Variants in SYT12 observed in about 807,000 individuals in gnomAD.
The protein encoded by SYT12 is synaptotagmin-12.
In SYT12, 27 loss-of-function variants were observed where a neutral mutation model predicts 39.5. The observed-to-expected ratio is 0.68, with a 90% CI of 0.50 to 0.94. SYT12 has a LOEUF of 0.94. Among genes scored for constraint, SYT12 ranks in the 40% least tolerant of loss-of-function variants. The pLI, the probability that SYT12 is intolerant of heterozygous loss-of-function variation, is 0.00. For missense variants in SYT12, 536 were observed against 572.6 expected (o/e 0.94, Z 0.65); for synonymous variants, 233 against 239.7 (o/e 0.97, Z 0.26).
chr11:67,035,790 T>TTTCC lies in SYT12; in HGVS notation c.228+999_228+1002dup, dbSNP rs1172307451. On this transcript the variant is annotated intron_variant, in intron 3 of 7. Transcript: ENST00000527043. ...CTTTCTTTTCTTTTCTTTTCTTTTC[T>TTTCC]TTCCTTCCTTCCTTCCTTCCTTCCT... 5.2e-3 allele frequency among the ~76,000 whole-genome samples: 378 copies of TTTCC among 73,218 alleles called. 12 individuals carry two copies. The highest frequency in any genetic ancestry group is 0.016 in the African/African-American group (272 of 16,770). The allele number at this position is 73,218 out of a possible 152,430, so 48.0% of individuals were successfully genotyped here.
At chr11:67,010,379 C>CT (rs1950005016) in intron 2 of SYT12, among the ~76,000 whole-genome samples, 1 of 152,196 alleles carries the variant, frequency 6.6e-6, no homozygotes, top group Admixed American at 6.5e-5. Context: ...GGCTCCAGCT[C>CT]TAACATGCTG....
chr11:67,017,229 G>A (rs1164575553), intron 3 of SYT12, among the ~76,000 whole-genome samples: 1 of 152,138 alleles, frequency 6.6e-6, no homozygotes, highest in Non-Finnish European at 1.5e-5. Context: ...CTCTAAAAGT[G>A]AAAGAGTTGA....
At chr11:67,013,373 A>G (rs1950028623) in intron 3 of SYT12, among the ~76,000 whole-genome samples, 1 of 152,122 alleles carries the variant, frequency 6.6e-6, no homozygotes, top group South Asian at 2.1e-4. Context: ...GCTGGTCCTC[A>G]GGGCGCTGGT....
At chr11:67,031,137 C>T (rs570479318) in intron 2 of SYT12, 27 of 152,562 alleles carry the variant, frequency 1.8e-4, no homozygotes, top group Non-Finnish European at 2.9e-5. Flanking sequence ...GCCCCCTACC[C>T]GTATGGCCTT....
At chr11:67,039,070 G>A (rs1950444730) in intron 3 of SYT12, among the ~76,000 whole-genome samples, 1 of 151,878 alleles carries the variant, frequency 6.6e-6, no homozygotes, top group African/African-American at 2.4e-5. Context: ...TTGGGAGGCC[G>A]AGGCAGGCAG....
At chr11:67,013,898 C>A (rs1057397904) in intron 3 of SYT12, among the ~76,000 whole-genome samples, 2 of 152,362 alleles carry the variant, frequency 1.3e-5, no homozygotes, top group Admixed American at 1.3e-4. Context: ...CTGGTTCCCT[C>A]CAGACGCTCT....
At chr11:67,028,786 A>T (rs1312826282) in intron 1 of SYT12, 1 of 152,244 alleles carries the variant, frequency 6.6e-6, no homozygotes, top group Non-Finnish European at 1.5e-5. Context: ...CACATAAAAA[A>T]TTCAGGTATC....
rs192175204 is a variant in SYT12 at position 67,008,371 on chromosome 11, G to A, written c.-485+916G>A. Among the ~76,000 whole-genome samples, 727 of 152,180 alleles carry A rather than the reference G, an allele frequency of 4.8e-3. 4 individuals carry two copies. The highest frequency in any genetic ancestry group is 0.016 in the African/African-American group (674 of 41,518). ...TTGAATCCCACCTCTGTCACCTGCT[G>A]GTGTTTATTCTTGGCTACATTTCTT... On this transcript the variant is annotated intron_variant, in intron 1 of 10. Coordinates refer to the SYT12 transcript ENST00000393946.
At chr11:67,046,829 C>T (rs1344248532) in intron 7 of SYT12, among the ~76,000 whole-genome samples, 1 of 152,234 alleles carries the variant, frequency 6.6e-6, no homozygotes, top group African/African-American at 2.4e-5. Flanking sequence ...CAAGCAGTCT[C>T]TCCCGTCCTC....
At chr11:67,019,329 G>A (rs1016167779), upstream of SYT12, among the ~76,000 whole-genome samples, 3 of 151,978 alleles carry the variant, frequency 2.0e-5, no homozygotes, top group Non-Finnish European at 4.4e-5. Context: ...AAAATTAGCC[G>A]GGCGTGTTGG....
At chr11:67,024,267 A>G (rs1950151616) in intron 1 of SYT12, among the ~76,000 whole-genome samples, 1 of 152,248 alleles carries the variant, frequency 6.6e-6, no homozygotes, top group Non-Finnish European at 1.5e-5. Context: ...TGACAGTTTT[A>G]GAGAGCAGCA....
Position 67,049,062 on chromosome 11 carries a change from T to G in SYT12, c.*305T>G. 1 of 299,324 alleles carries G rather than the reference T, an allele frequency of 3.3e-6. No homozygotes were observed. The highest frequency in any genetic ancestry group is 6.4e-6 in the Non-Finnish European group (1 of 157,174). 18.5% of individuals were successfully genotyped at this position (299,324 alleles called of 1,614,324 possible). ...GGGCTATGTTCTGGAACCCAGTGAA[T>G]CTTGGGGGCCAGGCACTGTGCTAGG... On this transcript the variant is annotated 3_prime_UTR_variant, in exon 8 of 8. Transcript: ENST00000527043.
intron 3 of SYT12, among the ~76,000 whole-genome samples, chr11:67,016,079 G>A (rs1429952586): frequency 1.3e-5 from 2 of 152,066 alleles, no homozygotes; most frequent in African/African-American, 4.8e-5. Context: ...TCAGGAGTTC[G>A]AGACCAGCCT....
At chr11:67,041,213 C>T (rs1950507039) in intron 4 of SYT12, among the ~76,000 whole-genome samples, 1 of 151,078 alleles carries the variant, frequency 6.6e-6, no homozygotes, top group Non-Finnish European at 1.5e-5. Flanking sequence ...TGGCTCACAC[C>T]TGTAATCCCA....
intron 3 of SYT12, among the ~76,000 whole-genome samples, chr11:67,036,352 T>C (rs1005493239): frequency 2.6e-5 from 4 of 152,252 alleles, no homozygotes; most frequent in Admixed American, 6.5e-5. Flanking sequence ...TGATAAATAA[T>C]GCAGTGGATG....
Position 67,043,623 on chromosome 11 carries a change from C to T in SYT12, c.622-15C>T, listed in dbSNP as rs1287172878. ...CTCAGGCCCCTAGCGCCCTCCATGG[C>T]CTTTTCTCCTGCAGATCCAGAGAAA... On this transcript the variant is annotated splice_polypyrimidine_tract_variant and intron_variant, in intron 4 of 7. Coordinates refer to ENST00000527043, the MANE Select transcript of SYT12 (RefSeq NM_177963.4). 1.2e-6 allele frequency: 2 copies of T among 1,613,652 alleles called. No homozygotes were observed. Among genetic ancestry groups the T allele is most frequent in the Admixed American group, 1.7e-5 (1 of 60,024 alleles).
chr11:67,047,412 C>T (rs1462806266), intron 7 of SYT12, among the ~76,000 whole-genome samples: 5 of 150,828 alleles, frequency 3.3e-5, no homozygotes, highest in Middle Eastern at 3.2e-3. Context: ...GGATTACAGG[C>T]AAGCACCATC....
At chr11:67,021,107 T>C (rs1272509660), upstream of SYT12, among the ~76,000 whole-genome samples, 1 of 152,224 alleles carries the variant, frequency 6.6e-6, no homozygotes, top group Non-Finnish European at 1.5e-5. Context: ...TACACCACAA[T>C]GCATCTGTGC....
At chr11:67,017,561 A>G (rs1316653132) in intron 3 of SYT12, among the ~76,000 whole-genome samples, 1 of 149,494 alleles carries the variant, frequency 6.7e-6, no homozygotes, top group Admixed American at 6.7e-5. Flanking sequence ...GGGTTTCCCC[A>G]TTGTTGGCCA....
Sources: allele counts gnomAD v4.1 joint callset (sites outside exome capture counted in the v4.1 genomes callset), GRCh38; gene constraint gnomAD v4.1.1; transcripts MANE v1.5; gene names NCBI Gene and HGNC (gene_info 2026-07-23, HGNC 2026-07-21).